Variants in SMARCA2 observed in about 807,000 individuals in gnomAD.
SMARCA2 encodes the protein SWI/SNF-related matrix-associated actin-dependent regulator of chromatin subfamily A member 2.
SMARCA2 carries 61 observed loss-of-function variants against 199.8 expected under a neutral mutation model. That is an observed-to-expected ratio of 0.31 (90% CI 0.25 to 0.38). The LOEUF is 0.38. SMARCA2 is among the 10% of genes least tolerant of loss of function. SMARCA2 has a pLI of 1.00. For synonymous variants in SMARCA2, 935 were observed against 732.0 expected, an observed-to-expected ratio of 1.28 and a Z score of -4.48; for missense variants, 1,344 against 2,012.2, an observed-to-expected ratio of 0.67 and a Z score of 6.35.
In SMARCA2 at chr9:2,123,067, A is replaced by G. The variant is rs552535931; in HGVS notation, c.3763-652A>G. 6.6e-6 allele frequency among the ~76,000 whole-genome samples: 1 copy of G among 152,218 alleles called. No individual in the cohort carries two copies. Among genetic ancestry groups the G allele is most frequent in the South Asian group, 2.1e-4 (1 of 4,832 alleles). On this transcript the variant is annotated intron_variant, in intron 26 of 33. Transcript: ENST00000349721. This position sits in a 1 kb window ranked among gnomAD's most constrained non-coding sequence, Gnocchi z 4.1. ...GCTCTCTCTGTCTGTGGTATAATAT[A>G]TTCATAAGAGCACAAAGCTTAAAAT...
chr9:2,193,125 C>G lies in SMARCA2; in HGVS notation c.*386C>G, dbSNP rs1314147045. 5.8e-6 allele frequency: 1 copy of G among 171,332 alleles called. No homozygotes were observed. Among genetic ancestry groups the G allele is most frequent in the African/African-American group, 2.4e-5 (1 of 42,184 alleles). The allele number at this position is 171,332 out of a possible 1,614,324, so 10.6% of individuals were successfully genotyped here. A position where few individuals can be genotyped will look rare whatever the true frequency, so the allele number is the denominator to read the frequency against. ...TTGTAGCACTGATAACCAGGAGAAG[C>G]CATTAAAAGCCACTGGTTATTTTAT... is the stretch of plus-strand genomic sequence containing the variant. On this transcript the variant is annotated 3_prime_UTR_variant, in exon 34 of 34. Transcript: ENST00000349721.
At chr9:2,131,071 T>A (rs1823926868) in intron 27 of SMARCA2, among the ~76,000 whole-genome samples, 1 of 152,228 alleles carries the variant, frequency 6.6e-6, no homozygotes, top group Non-Finnish European at 1.5e-5. Flanking sequence ...TTCCTTTCCT[T>A]AAAACATTTA....
At chr9:2,082,595 A>G (rs1438113082) in intron 15 of SMARCA2, among the ~76,000 whole-genome samples, 2 of 152,210 alleles carry the variant, frequency 1.3e-5, no homozygotes, top group Non-Finnish European at 2.9e-5. Context: ...AGTGGGCACT[A>G]CCGAGTGAGG....
rs1818406537 is a variant in SMARCA2, at chr9:2,017,455, C to G, written c.-37+2051C>G. ...GCGTCGGGAGCAGCGGCTCGGGCAG[C>G]TGCTCCTGCCCGCACCCTCCCCTGG... On this transcript the variant is annotated intron_variant, in intron 1 of 33. Coordinates refer to ENST00000349721, the MANE Select transcript of SMARCA2 (RefSeq NM_003070.5). This position sits in a 1 kb window ranked among gnomAD's most constrained non-coding sequence, Gnocchi z 8.8. The G allele has an allele frequency of 6.6e-6, 1 of 151,976 alleles. No homozygotes were observed. Among genetic ancestry groups the G allele is most frequent in the Admixed American group, 6.6e-5 (1 of 15,246 alleles). The allele number at this position is 151,976 out of a possible 1,614,324, so 9.4% of individuals were successfully genotyped here. A position where few individuals can be genotyped will look rare whatever the true frequency, so the allele number is the denominator to read the frequency against.
At chr9:2,087,162 C>T (rs988881480) in intron 18 of SMARCA2, 91 bp downstream of exon 18, 13 of 1,483,556 alleles carry the variant, frequency 8.8e-6, no homozygotes, top group African/African-American at 1.4e-5. Flanking sequence ...ACAGAACACC[C>T]GCAGGGTGGT....
At chr9:2,105,337 C>T (rs1427827686) in intron 23 of SMARCA2, among the ~76,000 whole-genome samples, 1 of 152,098 alleles carries the variant, frequency 6.6e-6, no homozygotes, top group Admixed American at 6.5e-5. Context: ...CTTCTGCCAC[C>T]CGGGTTCAGG....
At position 2,039,306 on chromosome 9, in the gene SMARCA2, G is replaced by A. The variant is rs2130244801; in HGVS notation, c.356-160G>A. On this transcript the variant is annotated intron_variant, in intron 3 of 33. Coordinates refer to ENST00000349721, the MANE Select transcript of SMARCA2 (RefSeq NM_003070.5). The surrounding 1 kb of genome is among the most constrained non-coding windows in gnomAD (Gnocchi z 4.8). Reference sequence around the variant, plus strand: ...TTTACATATATATAAAGCACATATTGATATGTAAAGATCTTAAACTCCATA... The same window carrying A: ...TTTACATATATATAAAGCACATATTAATATGTAAAGATCTTAAACTCCATA... Among the ~76,000 whole-genome samples the A allele has an allele frequency of 6.6e-6, 1 of 150,974 alleles. No individual in the cohort carries two copies. The highest frequency in any genetic ancestry group is 3.5e-3 in the Middle Eastern group (1 of 288).
intron 27 of SMARCA2, among the ~76,000 whole-genome samples, chr9:2,143,408 A>G (rs962666621): frequency 2.6e-5 from 4 of 152,186 alleles, no homozygotes; most frequent in Admixed American, 6.5e-5. Flanking sequence ...GCGTATTTGA[A>G]ATGAGAGAAT....
intron 3 of SMARCA2, among the ~76,000 whole-genome samples, chr9:2,037,707 T>A (rs574463229): frequency 6.6e-6 from 1 of 152,210 alleles, no homozygotes; most frequent in African/African-American, 2.4e-5. Flanking sequence ...TAAACACTTA[T>A]GTGATGACCT....
At chr9:2,065,060 C>A (rs1192041077) in intron 9 of SMARCA2, among the ~76,000 whole-genome samples, 7 of 152,154 alleles carry the variant, frequency 4.6e-5, no homozygotes, top group Admixed American at 4.6e-4. Flanking sequence ...TGGCAGGCAC[C>A]TGTAGTCCCA....
At chr9:2,187,080 T>C (rs1360979247) in intron 32 of SMARCA2, among the ~76,000 whole-genome samples, 3 of 152,150 alleles carry the variant, frequency 2.0e-5, no homozygotes, top group Non-Finnish European at 4.4e-5. Context: ...TAGAAAATAA[T>C]TGTCAAACTG....
intron 27 of SMARCA2, chr9:2,158,943 AT>A (rs1825519187): frequency 6.2e-7 from 1 of 1,612,102 alleles, no homozygotes; most frequent in East Asian, 2.2e-5. Flanking sequence ...AGCTCTCTGC[AT>A]TCCTGCATAA....
chr9:2,078,598 G>T (rs1329562152), intron 14 of SMARCA2, among the ~76,000 whole-genome samples: 1 of 152,094 alleles, frequency 6.6e-6, no homozygotes, highest in African/African-American at 2.4e-5. Flanking sequence ...ACTTAGTGAC[G>T]TTTCCCAAAT....
Position 2,039,815 on chromosome 9 carries a change from G to GCAA in SMARCA2, c.708_710dup (p.Gln238dup), listed in dbSNP as rs756562013. 11 of 1,596,800 alleles carry GCAA rather than the reference G, an allele frequency of 6.9e-6. No individual in the cohort carries two copies. The highest frequency in any genetic ancestry group is 4.1e-5 in the African/African-American group (3 of 73,596). On this transcript the variant is annotated inframe_insertion, in exon 4 of 34. Coordinates refer to ENST00000349721, the MANE Select transcript of SMARCA2 (RefSeq NM_003070.5). The surrounding 1 kb of genome is among the most constrained non-coding windows in gnomAD (Gnocchi z 4.8). ...AGCAGCAGCAGCAGCAGCAGCAGCAGCAACAGCAGCCGCAGCAGCAGCCGC... is the reference window on the plus strand; with the variant it reads ...AGCAGCAGCAGCAGCAGCAGCAGCAGCAACAACAGCAGCCGCAGCAGCAGCCGC...
intron 1 of SMARCA2, among the ~76,000 whole-genome samples, chr9:2,023,675 C>T (rs973771479): frequency 2.0e-5 from 3 of 152,148 alleles, no homozygotes; most frequent in East Asian, 1.9e-4. Context: ...AAGGAAACTT[C>T]GGGTAGATTT....
At chr9:2,061,942 A>T (rs1439861176) in intron 9 of SMARCA2, among the ~76,000 whole-genome samples, 4 of 152,230 alleles carry the variant, frequency 2.6e-5, no homozygotes, top group African/African-American at 9.6e-5. Context: ...CTCATTGTGA[A>T]GATGAACGAG....
intron 29 of SMARCA2, among the ~76,000 whole-genome samples, chr9:2,175,912 T>G (rs899901451): frequency 2.6e-5 from 4 of 152,140 alleles, no homozygotes; most frequent in Non-Finnish European, 5.9e-5. Flanking sequence ...GAAGTTTCGC[T>G]CTTGTTGCCC....
At chr9:2,028,526 G>A (rs971067683) in intron 1 of SMARCA2, among the ~76,000 whole-genome samples, 1 of 152,050 alleles carries the variant, frequency 6.6e-6, no homozygotes, top group Non-Finnish European at 1.5e-5. Flanking sequence ...TAACTATCTT[G>A]AAGTTTTGAA....
At chr9:2,026,999 T>C (rs1818860542) in intron 1 of SMARCA2, among the ~76,000 whole-genome samples, 1 of 152,238 alleles carries the variant, frequency 6.6e-6, no homozygotes, top group South Asian at 2.1e-4. Flanking sequence ...TTTGATCCCC[T>C]GCTTATGATC....
Sources: gnomAD v4.1 joint callset for allele counts (sites outside exome capture counted in the v4.1 genomes callset) on GRCh38, gnomAD v4.1.1 for gene constraint, Gnocchi (gnomAD v3.1) non-coding constraint, MANE v1.5 for transcripts, NCBI Gene and HGNC (gene_info 2026-07-23, HGNC 2026-07-21) for gene names.